The following TRAPPC12 variants were observed in gnomAD, a reference collection of about 807,000 sequenced individuals.
The protein encoded by TRAPPC12 is TPR repeat protein 15.
A neutral mutation model predicts 69.2 loss-of-function variants in TRAPPC12; 61 were observed. That is an observed-to-expected ratio of 0.88 (90% CI 0.72 to 1.09). The LOEUF (loss-of-function observed/expected upper bound fraction) is 1.09. TRAPPC12 is among the 50% of genes least tolerant of loss of function. The pLI, the probability that TRAPPC12 is intolerant of heterozygous loss-of-function variation, is 0.00. For synonymous variants in TRAPPC12, 469 were observed against 438.9 expected (o/e 1.07, Z -0.86); for missense variants, 1,101 against 1,016.4 (o/e 1.08, Z -1.13).
rs1301110292 is a variant in TRAPPC12, at chr2:3,438,255, G to A, written c.1418-5524G>A. On this transcript the variant is annotated intron_variant, in intron 5 of 11. Coordinates refer to ENST00000324266, the MANE Select transcript of TRAPPC12 (RefSeq NM_016030.6). The stretch of plus-strand genomic sequence containing the variant: ...TCATCCCCCCATCAGCCCTGGATTA[G>A]TACTTCCACCCCTGGATAAATCCCC... 1.4e-4 allele frequency among the ~76,000 whole-genome samples: 8 copies of A among 58,784 alleles called. No homozygotes were observed. In the South Asian group the frequency reaches 5.9e-3, roughly 43 times the overall value. 38.6% of individuals were successfully genotyped at this position (58,784 alleles called of 152,430 possible). A position where few individuals can be genotyped will look rare whatever the true frequency, so the allele number is the denominator to read the frequency against.
intron 10 of TRAPPC12, among the ~76,000 whole-genome samples, chr2:3,478,494 C>T (rs183494477): frequency 0.028 from 4,324 of 152,130 alleles, 120 homozygotes; most frequent in South Asian, 0.094. Context: ...ATTAGCCAGG[C>T]GTGGTGGCAG....
In TRAPPC12 at chr2:3,401,841, T is replaced by G. The variant is rs200558815; in HGVS notation, c.1112T>G (p.Val371Gly). Residue 371 changes from valine (V) to glycine (G), a missense_variant, in exon 3 of 12, where the codon GTC (valine) becomes GGC (glycine). Physicochemically the swap from Val to Gly is moderately radical, Grantham distance 109 (BLOSUM62 -3). Transcript: ENST00000324266. ...LGEKAAAKRQ[V>G]LNADSVEQSF... ...GAAAAAGCTGCAGCAAAGAGACAAG[T>G]CCTAAATGCCGACTCAGTGGAACAA... 3 of 1,603,514 alleles carry G rather than the reference T, an allele frequency of 1.9e-6. No homozygotes were observed. The highest frequency in any genetic ancestry group is 1.7e-4 in the Middle Eastern group (1 of 6,036).
chr2:3,402,503 C>T (rs751501201), intron 3 of TRAPPC12, among the ~76,000 whole-genome samples: 4 of 152,128 alleles, frequency 2.6e-5, no homozygotes, highest in East Asian at 1.9e-4. Context: ...GCAGGAGAAT[C>T]GCTTGAACTG....
intron 5 of TRAPPC12, among the ~76,000 whole-genome samples, chr2:3,434,596 C>T (rs543994206): frequency 3.9e-5 from 6 of 152,266 alleles, no homozygotes; most frequent in African/African-American, 1.2e-4. Flanking sequence ...CTTGGGTCAC[C>T]GCTGCTGTCT....
chr2:3,381,166 A>T (rs538602163), intron 1 of TRAPPC12, among the ~76,000 whole-genome samples: 78 of 152,298 alleles, frequency 5.1e-4, no homozygotes, highest in African/African-American at 1.6e-3. Context: ...AAAGTTTAGG[A>T]TGAGTATTAA....
intron 3 of TRAPPC12, among the ~76,000 whole-genome samples, chr2:3,418,758 T>G (rs1375017960): frequency 1.3e-5 from 2 of 151,606 alleles, no homozygotes; most frequent in Non-Finnish European, 2.9e-5. Context: ...TCCTCATAGC[T>G]TTACTCACAT....
At chr2:3,384,320 C>G (rs74501880) in intron 1 of TRAPPC12, among the ~76,000 whole-genome samples, 7,093 of 152,070 alleles carry the variant, frequency 0.047, 582 homozygotes, top group East Asian at 0.37. Context: ...TTTTTCTTGC[C>G]TTAATCCTGC....
intron 9 of TRAPPC12, among the ~76,000 whole-genome samples, chr2:3,476,681 G>C (rs1170201642): frequency 1.3e-5 from 2 of 152,214 alleles, no homozygotes; most frequent in East Asian, 3.8e-4. Context: ...AAGTTAGCAG[G>C]CTTGTTTTAA....
chr2:3,459,467 TC>T (rs34255336), intron 7 of TRAPPC12, among the ~76,000 whole-genome samples: 1 of 151,068 alleles, frequency 6.6e-6, no homozygotes, highest in South Asian at 2.1e-4. Context: ...CAGCCCACCC[TC>T]CCCCCAGGGC....
intron 9 of TRAPPC12, among the ~76,000 whole-genome samples, chr2:3,475,827 G>A (rs371415192): frequency 1.6e-4 from 24 of 152,238 alleles, no homozygotes; most frequent in African/African-American, 5.5e-4. Context: ...AGCGAAGCTA[G>A]CGACAGCATC....
chr2:3,421,834 C>G, intron 3 of TRAPPC12, 47 bp from the exon 4 acceptor site: 1 of 1,546,916 alleles, frequency 6.5e-7, no homozygotes, highest in Non-Finnish European at 8.9e-7. Context: ...TGGATTCCAC[C>G]ATGCCTTGCA....
chr2:3,458,293 C>T, intron 7 of TRAPPC12: 1 of 987,054 alleles, frequency 1.0e-6, no homozygotes, highest in Non-Finnish European at 1.2e-6. Flanking sequence ...GCTTGGAAAC[C>T]TGGCCTGAGT....
chr2:3,447,999 C>G (rs1214006604), intron 6 of TRAPPC12, among the ~76,000 whole-genome samples: 2 of 152,258 alleles, frequency 1.3e-5, no homozygotes, highest in Non-Finnish European at 2.9e-5. Flanking sequence ...ACCACACGCA[C>G]ACACACAGCT....
intron 1 of TRAPPC12, among the ~76,000 whole-genome samples, chr2:3,386,512 G>A (rs1225763441): frequency 6.6e-6 from 1 of 152,328 alleles, no homozygotes; most frequent in South Asian, 2.1e-4. Context: ...CTCGAGGGGT[G>A]TTCTGAGAAT....
At chr2:3,421,811 T>C in intron 3 of TRAPPC12, 70 bp from the exon 4 acceptor site, 3 of 1,395,152 alleles carry the variant, frequency 2.2e-6, no homozygotes, top group Non-Finnish European at 3.0e-6. Flanking sequence ...CCAGTGGCTA[T>C]GCGTTTGGGT....
chr2:3,400,137 C>T (rs185097674), intron 2 of TRAPPC12, among the ~76,000 whole-genome samples: 97 of 152,336 alleles, frequency 6.4e-4, no homozygotes, highest in African/African-American at 2.2e-3. Flanking sequence ...GCCCAGAGCA[C>T]GTGTCAGGGA....
chr2:3,462,716 C>T, intron 8 of TRAPPC12: 1 of 309,056 alleles, frequency 3.2e-6, no homozygotes, highest in Non-Finnish European at 6.5e-6. Context: ...AATACTTCTT[C>T]CTCTCCTTAG....
At chr2:3,462,475 A>G (rs562556343) in intron 8 of TRAPPC12, among the ~76,000 whole-genome samples, 2 of 152,350 alleles carry the variant, frequency 1.3e-5, no homozygotes, top group East Asian at 3.9e-4. Flanking sequence ...TCTTAATAAT[A>G]TGGGGTATCC....
chr2:3,422,826 C>G (rs1439275776), intron 4 of TRAPPC12, among the ~76,000 whole-genome samples: 2 of 152,244 alleles, frequency 1.3e-5, no homozygotes, highest in African/African-American at 4.8e-5. Context: ...ACCCACAGTT[C>G]GAGCTCTCAT....
Sources: gnomAD v4.1 joint callset for allele counts (sites outside exome capture counted in the v4.1 genomes callset) on GRCh38, gnomAD v4.1.1 for gene constraint, MANE v1.5 for transcripts, NCBI Gene and HGNC (gene_info 2026-07-23, HGNC 2026-07-21) for gene names.